Variants in CA13 observed in about 807,000 individuals in gnomAD.
CA13 encodes the protein CA-XIII.
CA13 carries 21 observed loss-of-function variants against 31.5 expected under a neutral mutation model. The ratio of observed to expected loss-of-function variants is 0.67; its 90% CI spans 0.47 to 0.96. The LOEUF (loss-of-function observed/expected upper bound fraction) is 0.96, where lower values mean the gene tolerates loss of function less well. Among genes scored for constraint, CA13 ranks in the 40% least tolerant of loss-of-function variants. The pLI, the probability that CA13 is intolerant of heterozygous loss-of-function variation, is 0.00. For synonymous variants in CA13, 117 were observed against 111.4 expected (o/e 1.05, Z -0.32); for missense variants, 315 against 318.9 (o/e 0.99, Z 0.09).
intron 2 of CA13, among the ~76,000 whole-genome samples, chr8:85,256,234 T>G (rs2129961342): frequency 6.6e-6 from 1 of 152,344 alleles, no homozygotes; most frequent in Non-Finnish European, 1.5e-5. Flanking sequence ...GTGGTACTAA[T>G]TTTTGTATTT....
At chr8:85,249,760 T>A (rs1813792945) in intron 1 of CA13, 1 of 388,784 alleles carries the variant, frequency 2.6e-6, no homozygotes, top group African/African-American at 2.1e-5. Context: ...TCAGGAATAG[T>A]AGAGAGAATA....
chr8:85,268,627 G>A lies in CA13; in HGVS notation c.669G>A (p.Gln223=). The change falls in exon 6 of 7, where the codon CAG becomes CAA. Residue 223 remains glutamine, a splice_region_variant and synonymous_variant. Transcript: ENST00000321764. ...AACCTATAAACATCAGCTCTCAACAGGTACATAATCTCTTCCAGGTTGATA... is the reference window on the plus strand; with the variant it reads ...AACCTATAAACATCAGCTCTCAACAAGTACATAATCTCTTCCAGGTTGATA... ...LKQPINISSQ[Q]LAKFRSLLCT... The A allele has an allele frequency of 1.2e-6, 2 of 1,611,274 alleles. No individual in the cohort carries two copies. Among genetic ancestry groups the A allele is most frequent in the South Asian group, 1.1e-5 (1 of 90,846 alleles).
chr8:85,252,020 G>T (rs1195224222), intron 2 of CA13, among the ~76,000 whole-genome samples: 2 of 152,206 alleles, frequency 1.3e-5, no homozygotes, highest in African/African-American at 4.8e-5. Flanking sequence ...CACTTTGGGA[G>T]GCTGAGGTGG....
rs73688700 is a variant in CA13 at position 85,275,862 on chromosome 8, G to T, written c.670-5368G>T. 8.1e-3 allele frequency among the ~76,000 whole-genome samples: 1,231 copies of T among 152,300 alleles called. 17 individuals are homozygous for T. The highest frequency in any genetic ancestry group is 0.028 in the African/African-American group (1,161 of 41,554). ...TAAAGGATTGTTGTATTTTTCCTCC[G>T]TAGTGGAAAGACTGATAATGAGAGG... is the stretch of plus-strand genomic sequence containing the variant. On this transcript the variant is annotated intron_variant, in intron 6 of 6. Coordinates refer to ENST00000321764, the MANE Select transcript of CA13 (RefSeq NM_198584.3).
chr8:85,274,541 G>A lies in CA13; in HGVS notation c.669+5914G>A, dbSNP rs200209927. Among the ~76,000 whole-genome samples the A allele has an allele frequency of 3.7e-4, 56 of 152,280 alleles. No homozygotes were observed. In the East Asian group the frequency reaches 7.1e-3, roughly 19 times the overall value. ...AAGCGATTTCTAGAACCGCTTTTCCGTTATCGTCTATGTTAAGACAGCAAT... is the reference window on the plus strand; with the variant it reads ...AAGCGATTTCTAGAACCGCTTTTCCATTATCGTCTATGTTAAGACAGCAAT... On this transcript the variant is annotated intron_variant, in intron 6 of 6. Transcript: ENST00000321764.
rs1386177899 is a variant in CA13, at chr8:85,249,468, C to T, written c.38-1272C>T. On this transcript the variant is annotated intron_variant, in intron 1 of 6. Coordinates refer to ENST00000321764, the MANE Select transcript of CA13 (RefSeq NM_198584.3). ...TGAGATTACACCTCTGCATTCCAGC[C>T]TGGGTAACAGAGCAAGACCCTGTCT... 4.9e-5 allele frequency among the ~76,000 whole-genome samples: 7 copies of T among 143,774 alleles called. No homozygotes were observed. The Admixed American group carries it at 5.0e-4, about 10-fold the overall frequency. The allele number at this position is 143,774 out of a possible 152,430, so 94.3% of individuals were successfully genotyped here.
intron 2 of CA13, among the ~76,000 whole-genome samples, chr8:85,256,825 G>A (rs898865855): frequency 3.3e-5 from 5 of 152,186 alleles, no homozygotes; most frequent in Admixed American, 2.6e-4. Context: ...ATTGTTGAAT[G>A]AGAGAGTAGC....
Position 85,266,054 on chromosome 8 carries a change from C to T in CA13, c.355-554C>T, listed in dbSNP as rs78170972. On this transcript the variant is annotated intron_variant, in intron 3 of 6. Coordinates refer to ENST00000321764, the MANE Select transcript of CA13 (RefSeq NM_198584.3). ...AGCCCTCTTCCATGGACTTTACTGC[C>T]AGCCGGGATTTGATTTGAGGCTGCT... Among the ~76,000 whole-genome samples the T allele has an allele frequency of 6.6e-5, 10 of 152,284 alleles. No individual in the cohort carries two copies. The East Asian group carries it at 1.9e-3, about 29-fold the overall frequency.
rs1807606111 is a variant in CA13 at position 85,276,288 on chromosome 8, G to A, written c.670-4942G>A. On this transcript the variant is annotated intron_variant, in intron 6 of 6. Transcript: ENST00000321764. ...GGGCAGGGCTCGGGACCTGCAGCCC[G>A]CCATGCTTGAGCCTCCCCCCAACCT... Among the ~76,000 whole-genome samples the A allele has an allele frequency of 2.6e-5, 4 of 152,170 alleles. No individual in the cohort carries two copies. The South Asian group carries it at 8.3e-4, about 31-fold the overall frequency.
intron 1 of CA13, 70 bp downstream of exon 1, chr8:85,245,935 G>C: frequency 1.9e-6 from 3 of 1,567,288 alleles, no homozygotes; most frequent in Non-Finnish European, 2.6e-6. Context: ...ACGCCCCGGC[G>C]CTCGCTGACC....
At chr8:85,251,952 A>G (rs573686069) in intron 2 of CA13, among the ~76,000 whole-genome samples, 1 of 152,288 alleles carries the variant, frequency 6.6e-6, no homozygotes, top group African/African-American at 2.4e-5. Flanking sequence ...ATTAAAATAT[A>G]TCTTGTTTAA....
intron 6 of CA13, among the ~76,000 whole-genome samples, chr8:85,277,236 C>T (rs990372274): frequency 6.6e-5 from 10 of 152,120 alleles, no homozygotes; most frequent in African/African-American, 2.2e-4. Context: ...GTCCACACTG[C>T]GTTTATGAGC....
Position 85,251,765 on chromosome 8 carries a change from A to G in CA13, c.235+828A>G, listed in dbSNP as rs145673337. Among the ~76,000 whole-genome samples the G allele has an allele frequency of 1.6e-3, 251 of 152,332 alleles. 1 individual carries two copies. Among genetic ancestry groups the G allele is most frequent in the African/African-American group, 5.4e-3 (224 of 41,584 alleles). The stretch of plus-strand genomic sequence containing the variant: ...AATATTAATGTCTCTTTCTTCCCAC[A>G]GTCTCTCCTGAAGTAACTAATGTTA... On this transcript the variant is annotated intron_variant, in intron 2 of 6. Coordinates refer to ENST00000321764, the MANE Select transcript of CA13 (RefSeq NM_198584.3).
intron 1 of CA13, among the ~76,000 whole-genome samples, chr8:85,247,381 C>T (rs1813750622): frequency 6.6e-6 from 1 of 152,120 alleles, no homozygotes; most frequent in African/African-American, 2.4e-5. Flanking sequence ...TTCATCTTAG[C>T]AAAGCCATTA....
At chr8:85,260,842 T>C (rs1807367335) in intron 3 of CA13, among the ~76,000 whole-genome samples, 1 of 152,230 alleles carries the variant, frequency 6.6e-6, no homozygotes, top group African/African-American at 2.4e-5. Flanking sequence ...GAACTAATTA[T>C]TGGTTGCTTT....
chr8:85,277,974 C>G (rs905888019), intron 6 of CA13, among the ~76,000 whole-genome samples: 1 of 152,028 alleles, frequency 6.6e-6, no homozygotes, highest in Non-Finnish European at 1.5e-5. Context: ...TATTCATTCC[C>G]TTAAACTTTC....
chr8:85,282,744 G>A lies in CA13; in HGVS notation c.*1395G>A, dbSNP rs1197061914. 6.6e-6 allele frequency: 1 copy of A among 152,138 alleles called. No homozygotes were observed. The highest frequency in any genetic ancestry group is 2.4e-5 in the African/African-American group (1 of 41,418). 9.4% of individuals were successfully genotyped at this position (152,138 alleles called of 1,614,324 possible). On this transcript the variant is annotated 3_prime_UTR_variant, in exon 7 of 7. Transcript: ENST00000321764. ...TGTTTGTTTTTGGTGAAGGATAAGA[G>A]TGGTGTTTCTTTTGCCCTTTCTGGT...
At position 85,281,580 on chromosome 8, in the gene CA13, T is replaced by C; in HGVS notation, c.*231T>C. 1 of 1,018,342 alleles carries C rather than the reference T, an allele frequency of 9.8e-7. No homozygotes were observed. The highest frequency in any genetic ancestry group is 2.5e-5 in the South Asian group (1 of 39,404). The allele number at this position is 1,018,342 out of a possible 1,614,324, so 63.1% of individuals were successfully genotyped here. A position where few individuals can be genotyped will look rare whatever the true frequency, so the allele number is the denominator to read the frequency against. On this transcript the variant is annotated 3_prime_UTR_variant, in exon 7 of 7. Coordinates refer to ENST00000321764, the MANE Select transcript of CA13 (RefSeq NM_198584.3). ...CAGGCTGGAGGGCAGTGGTACAGTCTTGGCTAATTGCAGCCTCCAACTCCT... is the reference window on the plus strand; with the variant it reads ...CAGGCTGGAGGGCAGTGGTACAGTCCTGGCTAATTGCAGCCTCCAACTCCT...
Position 85,283,586 on chromosome 8 carries a change from G to C in CA13, c.*2237G>C, listed in dbSNP as rs1445466822. The C allele has an allele frequency of 6.6e-6, 1 of 152,562 alleles. No homozygotes were observed. Among genetic ancestry groups the C allele is most frequent in the Non-Finnish European group, 1.5e-5 (1 of 68,010 alleles). The allele number at this position is 152,562 out of a possible 1,614,324, so 9.5% of individuals were successfully genotyped here. A position where few individuals can be genotyped will look rare whatever the true frequency, so the allele number is the denominator to read the frequency against. ...TTAATTGTAACTTGTAAAACCAAAA[G>C]TTCTAATGGTTTTTAAAAACCAGTG... On this transcript the variant is annotated 3_prime_UTR_variant, in exon 7 of 7. Transcript: ENST00000321764.
Sources: gnomAD v4.1 joint callset for allele counts (sites outside exome capture counted in the v4.1 genomes callset) on GRCh38, gnomAD v4.1.1 for gene constraint, MANE v1.5 for transcripts, NCBI Gene and HGNC (gene_info 2026-07-23, HGNC 2026-07-21) for gene names.